The following CNIH3 variants were observed in gnomAD, a reference collection of about 807,000 sequenced individuals.
The protein encoded by CNIH3 is cornichon family AMPA receptor auxiliary protein 3.
A neutral mutation model predicts 24.1 loss-of-function variants in CNIH3; 14 were observed. That is an observed-to-expected ratio of 0.58 (90% CI 0.38 to 0.91). CNIH3 has a LOEUF of 0.91. Ranked by LOEUF, CNIH3 falls within the 40% of genes least tolerant of loss-of-function variation. CNIH3 has a pLI of 0.00. For missense variants in CNIH3, 178 were observed against 196.8 expected, an observed-to-expected ratio of 0.90 and a Z score of 0.57; for synonymous variants, 68 against 73.8, an observed-to-expected ratio of 0.92 and a Z score of 0.40.
intron 3 of CNIH3, among the ~76,000 whole-genome samples, chr1:224,700,227 A>T (rs1558308141): frequency 6.6e-6 from 1 of 151,952 alleles, no homozygotes; most frequent in Non-Finnish European, 1.5e-5. Flanking sequence ...TGAATCTGGT[A>T]CCCTCCCTAG....
intron 1 of CNIH3, among the ~76,000 whole-genome samples, chr1:224,465,411 T>C (rs1676114240): frequency 6.6e-6 from 1 of 152,204 alleles, no homozygotes; most frequent in Non-Finnish European, 1.5e-5. Context: ...GCCTGGCTGG[T>C]TAGAATTATC....
intron 1 of CNIH3, among the ~76,000 whole-genome samples, chr1:224,487,963 C>T (rs1188944470): frequency 6.6e-6 from 1 of 152,056 alleles, no homozygotes; most frequent in Non-Finnish European, 1.5e-5. Flanking sequence ...TTTGAAAACC[C>T]TATTCTTTCA....
chr1:224,539,916 T>C (rs1205457894), downstream of CNIH3, among the ~76,000 whole-genome samples: 1 of 152,228 alleles, frequency 6.6e-6, no homozygotes, highest in Non-Finnish European at 1.5e-5. Flanking sequence ...TCCCTCCAGA[T>C]TGTAAGCTCC....
At chr1:224,441,725 TAGTAGATTATTCATAA>T (rs1226300025) in intron 1 of CNIH3, among the ~76,000 whole-genome samples, 1 of 152,210 alleles carries the variant, frequency 6.6e-6, no homozygotes, top group African/African-American at 2.4e-5. Context: ...TTAAAGACTG[TAGTAGATTATTCATAA>T]AGTTTAAAAA....
chr1:224,640,132 GT>G (rs1684286252), intron 1 of CNIH3, among the ~76,000 whole-genome samples: 1 of 152,170 alleles, frequency 6.6e-6, no homozygotes, highest in South Asian at 2.1e-4. Flanking sequence ...TGGATGTGAG[GT>G]TTTACTGTGC....
intron 1 of CNIH3, among the ~76,000 whole-genome samples, chr1:224,466,330 G>A (rs994393385): frequency 2.6e-5 from 4 of 152,112 alleles, no homozygotes; most frequent in East Asian, 1.9e-4. Context: ...AATACATTAC[G>A]TAAATGGAAT....
chr1:224,490,710 A>T (rs1360306150), intron 1 of CNIH3, among the ~76,000 whole-genome samples: 1 of 152,148 alleles, frequency 6.6e-6, no homozygotes, highest in Non-Finnish European at 1.5e-5. Context: ...ATGTACTTTT[A>T]TGTGTCACAT....
At chr1:224,649,493 G>A (rs1684766691) in intron 1 of CNIH3, among the ~76,000 whole-genome samples, 1 of 152,170 alleles carries the variant, frequency 6.6e-6, no homozygotes, top group African/African-American at 2.4e-5. Flanking sequence ...AGCAGCAGTA[G>A]GAACTAATAC....
At chr1:224,568,330 A>G (rs1680673980) in intron 4 of CNIH3, among the ~76,000 whole-genome samples, 1 of 152,030 alleles carries the variant, frequency 6.6e-6, no homozygotes, top group Admixed American at 6.5e-5. Context: ...ATAATGAAAC[A>G]AGACTTAGAA....
At chr1:224,540,451 T>A (rs1679470378), downstream of CNIH3, among the ~76,000 whole-genome samples, 1 of 152,208 alleles carries the variant, frequency 6.6e-6, no homozygotes. Context: ...CTCCAATATG[T>A]CAACAAGTTA....
chr1:224,727,599 GGT>G lies in CNIH3; in HGVS notation c.199-2859_199-2858del, dbSNP rs543250690. ...CCACCTTCCAGAAGGCTGAGTGCTG[GGT>G]GTGAGTGGAGGCAGCCATAATGGCT... is the stretch of plus-strand genomic sequence containing the variant. On this transcript the variant is annotated intron_variant, in intron 3 of 5. Coordinates refer to ENST00000272133, the MANE Select transcript of CNIH3 (RefSeq NM_152495.2). 8.5e-5 allele frequency among the ~76,000 whole-genome samples: 13 copies of G among 152,312 alleles called. No individual in the cohort carries two copies. The South Asian group carries it at 2.5e-3, about 29-fold the overall frequency.
chr1:224,474,449 T>G (rs1676488785), intron 1 of CNIH3, among the ~76,000 whole-genome samples: 1 of 149,084 alleles, frequency 6.7e-6, no homozygotes, highest in South Asian at 2.1e-4. Context: ...AACTATGACA[T>G]ACATCAAAAA....
chr1:224,442,011 T>TG (rs1171093072), intron 1 of CNIH3, among the ~76,000 whole-genome samples: 3 of 147,136 alleles, frequency 2.0e-5, no homozygotes, highest in African/African-American at 7.6e-5. Context: ...TTGATTCCCT[T>TG]AATTTTTTTT....
intron 1 of CNIH3, among the ~76,000 whole-genome samples, chr1:224,442,597 A>G (rs1674966283): frequency 6.6e-6 from 1 of 152,148 alleles, no homozygotes; most frequent in African/African-American, 2.4e-5. Flanking sequence ...TTCTGTGATA[A>G]TGAAATAATA....
At chr1:224,600,171 C>G (rs558071464) in intron 3 of CNIH3, among the ~76,000 whole-genome samples, 1 of 150,486 alleles carries the variant, frequency 6.6e-6, no homozygotes, top group African/African-American at 2.4e-5. Context: ...TTATTTAGTT[C>G]TCTGTTTTTC....
intron 1 of CNIH3, among the ~76,000 whole-genome samples, chr1:224,672,353 A>G (rs2125131830): frequency 6.6e-6 from 1 of 152,342 alleles, no homozygotes; most frequent in Non-Finnish European, 1.5e-5. Context: ...AGATGACAGC[A>G]GCAGTAGTTT....
intron 3 of CNIH3, among the ~76,000 whole-genome samples, chr1:224,720,017 G>A (rs1688627076): frequency 6.6e-6 from 1 of 152,140 alleles, no homozygotes; most frequent in African/African-American, 2.4e-5. Context: ...TCTTGTTCTT[G>A]CAGTTAGGGC....
At position 224,704,896 on chromosome 1, in the gene CNIH3, G is replaced by A. The variant is rs144991425; in HGVS notation, c.198+20053G>A. Among the ~76,000 whole-genome samples, 341 of 152,212 alleles carry A rather than the reference G, an allele frequency of 2.2e-3. 1 individual carries two copies. The highest frequency in any genetic ancestry group is 7.7e-3 in the African/African-American group (320 of 41,536). On this transcript the variant is annotated intron_variant, in intron 3 of 5. Coordinates refer to ENST00000272133, the MANE Select transcript of CNIH3 (RefSeq NM_152495.2). This position sits in a 1 kb window ranked among gnomAD's most constrained non-coding sequence, Gnocchi z 4.2. ...AGACTGAGGTGGGTGGATCACCTGA[G>A]GTCAAGAGTTCAAGACCAGCCTGAC...
At chr1:224,652,608 A>T (rs1037699890) in intron 1 of CNIH3, among the ~76,000 whole-genome samples, 2 of 152,122 alleles carry the variant, frequency 1.3e-5, no homozygotes, top group African/African-American at 4.8e-5. Flanking sequence ...TAGGTGTTCC[A>T]GGTATGGCGA....
Sources: gnomAD v4.1 joint callset for allele counts (sites outside exome capture counted in the v4.1 genomes callset) on GRCh38, gnomAD v4.1.1 for gene constraint, Gnocchi (gnomAD v3.1) non-coding constraint, MANE v1.5 for transcripts, NCBI Gene and HGNC (gene_info 2026-07-23, HGNC 2026-07-21) for gene names.